Variants in XRCC5 observed in about 807,000 individuals in gnomAD.
XRCC5 encodes DNA repair protein Ku80.
In XRCC5, 12 loss-of-function variants were observed where a neutral mutation model predicts 95.7. The observed-to-expected ratio is 0.13, with a 90% CI of 0.08 to 0.20. The LOEUF (loss-of-function observed/expected upper bound fraction) is 0.20, where lower values mean the gene tolerates loss of function less well. Ranked by LOEUF, XRCC5 falls within the 10% of genes least tolerant of loss-of-function variation. XRCC5 has a pLI of 1.00. For missense variants in XRCC5, 595 were observed against 873.9 expected, an observed-to-expected ratio of 0.68 and a Z score of 4.02; for synonymous variants, 281 against 290.3, an observed-to-expected ratio of 0.97 and a Z score of 0.33.
At position 216,205,443 on chromosome 2, in the gene XRCC5, A is replaced by AT. The variant is rs775197998; in HGVS notation, c.*247dup. 1 of 537,212 alleles carries AT rather than the reference A, an allele frequency of 1.9e-6. No individual in the cohort carries two copies. Among genetic ancestry groups the AT allele is most frequent in the Non-Finnish European group, 3.3e-6 (1 of 301,900 alleles). 33.3% of individuals were successfully genotyped at this position (537,212 alleles called of 1,614,324 possible). A position where few individuals can be genotyped will look rare whatever the true frequency, so the allele number is the denominator to read the frequency against. On this transcript the variant is annotated 3_prime_UTR_variant, in exon 21 of 21. Coordinates refer to ENST00000392132, the MANE Select transcript of XRCC5 (RefSeq NM_021141.4). Reference sequence around the variant, plus strand: ...ATTGTTATTTTCTGGTTGGTGTATTATTTTTTCTGTGGTCTTACTGATCTT... The same window carrying AT: ...ATTGTTATTTTCTGGTTGGTGTATTATTTTTTTCTGTGGTCTTACTGATCTT...
intron 16 of XRCC5, among the ~76,000 whole-genome samples, chr2:216,186,677 T>C (rs1364141358): frequency 6.6e-6 from 1 of 152,188 alleles, no homozygotes; most frequent in Non-Finnish European, 1.5e-5. Flanking sequence ...TAGCTACTAA[T>C]GAGTATTATT....
rs115901392 is a variant in XRCC5 at position 216,183,570 on chromosome 2, C to T, written c.1835-6655C>T. ...GTGTGTTGAGGTGGTCAGCACTTTG[C>T]ATATCTTAGTCCAATTTCCTGTGCC... is the stretch of plus-strand genomic sequence containing the variant. On this transcript the variant is annotated intron_variant, in intron 16 of 20. Transcript: ENST00000392132. Among the ~76,000 whole-genome samples, 1,195 of 152,246 alleles carry T rather than the reference C, an allele frequency of 7.8e-3. 17 individuals carry two copies. The highest frequency in any genetic ancestry group is 0.027 in the African/African-American group (1,136 of 41,520).
In XRCC5 at chr2:216,122,154, A is replaced by G. The variant is rs780438205; in HGVS notation, c.584A>G (p.Lys195Arg). ...LGGHGPSFPL[K>R]GITEQQKEGL... ...GGCCATGGGCCTTCCTTTCCACTAAAAGGAATTACCGAACAGCAAAAAGAA... is the reference window on the plus strand; with the variant it reads ...GGCCATGGGCCTTCCTTTCCACTAAGAGGAATTACCGAACAGCAAAAAGAA... Residue 195 changes from lysine (K) to arginine (R), a missense_variant, in exon 6 of 21, where the codon AAA becomes AGA. Coordinates refer to ENST00000392132, the MANE Select transcript of XRCC5 (RefSeq NM_021141.4). 1.9e-6 allele frequency: 3 copies of G among 1,614,182 alleles called. No individual in the cohort carries two copies. Among genetic ancestry groups the G allele is most frequent in the Non-Finnish European group, 2.5e-6 (3 of 1,180,018 alleles).
At chr2:216,120,094 A>G (rs555234162) in intron 5 of XRCC5, among the ~76,000 whole-genome samples, 1 of 152,324 alleles carries the variant, frequency 6.6e-6, no homozygotes, top group Non-Finnish European at 1.5e-5. Context: ...CTACAGAGCG[A>G]CATCTCCTTT....
intron 1 of XRCC5, chr2:216,110,549 T>C (rs563108276): frequency 6.6e-6 from 1 of 152,334 alleles, no homozygotes; most frequent in African/African-American, 2.4e-5. Context: ...CTGTATTGCT[T>C]CGGTATAGAA....
chr2:216,124,408 A>T (rs1696872097), intron 6 of XRCC5, among the ~76,000 whole-genome samples: 1 of 152,164 alleles, frequency 6.6e-6, no homozygotes, highest in African/African-American at 2.4e-5. Context: ...CACCATGCCC[A>T]GCTACTCAGA....
Position 216,204,415 on chromosome 2 carries a change from C to T in XRCC5, c.2184+19C>T, listed in dbSNP as rs1380595584. 1.2e-6 allele frequency: 2 copies of T among 1,613,262 alleles called. No individual in the cohort carries two copies. The highest frequency in any genetic ancestry group is 1.1e-5 in the South Asian group (1 of 91,064). The stretch of plus-strand genomic sequence containing the variant: ...CGATTTAGTAAGTACTTTTAATATG[C>T]ACCTGGTGTTCTATGATTGAAGTCA... On this transcript the variant is annotated intron_variant, in intron 20 of 20. Coordinates refer to ENST00000392132, the MANE Select transcript of XRCC5 (RefSeq NM_021141.4).
chr2:216,194,537 G>A (rs1485131426), intron 18 of XRCC5, among the ~76,000 whole-genome samples: 4 of 152,214 alleles, frequency 2.6e-5, no homozygotes, highest in African/African-American at 7.2e-5. Context: ...CATGGAACAC[G>A]TGGCATTTGA....
At chr2:216,182,708 G>T (rs1689412572) in intron 16 of XRCC5, among the ~76,000 whole-genome samples, 2 of 152,240 alleles carry the variant, frequency 1.3e-5, no homozygotes, top group South Asian at 4.1e-4. Flanking sequence ...TTAGCATAAT[G>T]TCTCAATATT....
intron 12 of XRCC5, among the ~76,000 whole-genome samples, chr2:216,139,620 C>A (rs1446192521): frequency 6.6e-6 from 1 of 152,138 alleles, no homozygotes; most frequent in Non-Finnish European, 1.5e-5. Flanking sequence ...AATCCTCTTG[C>A]CTCGGCCTCC....
chr2:216,120,956 G>GAACTCCGGACCTC (rs1282771395), intron 5 of XRCC5, among the ~76,000 whole-genome samples: 1 of 152,090 alleles, frequency 6.6e-6, no homozygotes, highest in Non-Finnish European at 1.5e-5. Flanking sequence ...GGCTGGTCTT[G>GAACTCCGGACCTC]AACTCCGGAC....
At chr2:216,126,485 G>A (rs770422975) in intron 7 of XRCC5, among the ~76,000 whole-genome samples, 6 of 152,156 alleles carry the variant, frequency 3.9e-5, no homozygotes, top group Non-Finnish European at 7.4e-5. Flanking sequence ...TTTTGTTACT[G>A]TAAAATTGCA....
chr2:216,127,877 G>GGT, intron 8 of XRCC5: 1 of 362,420 alleles, frequency 2.8e-6, no homozygotes, highest in Non-Finnish European at 4.9e-6. Context: ...AGTACACTTG[G>GGT]GTGTTCCATC....
In XRCC5 at chr2:216,118,911, A is replaced by G. The variant is rs41298740; in HGVS notation, c.369-132A>G. On this transcript the variant is annotated intron_variant, in intron 4 of 20. Coordinates refer to ENST00000392132, the MANE Select transcript of XRCC5 (RefSeq NM_021141.4). ...AATTTAATAAGAACTTAATTGGACT[A>G]CTAGAATGTAATCACATTTATTAAC... 3,402 of 936,502 alleles carry G rather than the reference A, an allele frequency of 3.6e-3. 88 individuals carry two copies. In the African/African-American group the frequency reaches 0.048, roughly 13 times the overall value. 58.0% of individuals were successfully genotyped at this position (936,502 alleles called of 1,614,324 possible).
Position 216,153,978 on chromosome 2 carries a change from A to G in XRCC5, c.1670+5702A>G, listed in dbSNP as rs115772179. Among the ~76,000 whole-genome samples the G allele has an allele frequency of 1.6e-3, 242 of 152,130 alleles. 1 individual carries two copies. The highest frequency in any genetic ancestry group is 5.8e-3 in the African/African-American group (239 of 41,504). ...ACCCCTCTTCATGCTATTATTCTCT[A>G]TTTCAGTGAATGACACCTAATTTCT... On this transcript the variant is annotated intron_variant, in intron 14 of 20. Coordinates refer to ENST00000392132, the MANE Select transcript of XRCC5 (RefSeq NM_021141.4).
At chr2:216,189,042 C>T (rs1010549835) in intron 16 of XRCC5, among the ~76,000 whole-genome samples, 2 of 152,204 alleles carry the variant, frequency 1.3e-5, no homozygotes, top group Non-Finnish European at 2.9e-5. Flanking sequence ...ATCCTTTCCA[C>T]ATGCTGTATG....
intron 16 of XRCC5, among the ~76,000 whole-genome samples, chr2:216,169,175 A>G (rs1367885728): frequency 6.6e-6 from 1 of 152,222 alleles, no homozygotes. Flanking sequence ...GATTGACTAA[A>G]CATACATATT....
intron 8 of XRCC5, among the ~76,000 whole-genome samples, chr2:216,129,168 A>G (rs1206899765): frequency 2.0e-5 from 3 of 152,236 alleles, no homozygotes; most frequent in African/African-American, 7.2e-5. Context: ...TTTGGTTGTC[A>G]GCAAGGAAGG....
chr2:216,136,952 C>G (rs546205783), intron 10 of XRCC5, 136 bp from the exon 11 acceptor site: 16 of 985,148 alleles, frequency 1.6e-5, no homozygotes, highest in Admixed American at 5.9e-5. Flanking sequence ...AATGTGTGCA[C>G]TTCGTCCTTC....
Sources: gnomAD v4.1 joint callset for allele counts (sites outside exome capture counted in the v4.1 genomes callset) on GRCh38, gnomAD v4.1.1 for gene constraint, MANE v1.5 for transcripts, NCBI Gene and HGNC (gene_info 2026-07-23, HGNC 2026-07-21) for gene names.